CSMD1: variants seen among roughly 807,000 people sequenced by gnomAD.
CSMD1 encodes the protein CUB and Sushi multiple domains 1, also known as CUB and sushi domain-containing protein 1.
In CSMD1, 213 loss-of-function variants were observed where a neutral mutation model predicts 417.5. That is an observed-to-expected ratio of 0.51 (90% CI 0.46 to 0.57). The LOEUF (loss-of-function observed/expected upper bound fraction) is 0.57. Among genes scored for constraint, CSMD1 ranks in the 20% least tolerant of loss-of-function variants. The pLI is 0.00. For missense variants in CSMD1, 6,923 were observed against 4,529.7 expected (o/e 1.53, Z -15.17); for synonymous variants, 2,862 against 1,736.8 (o/e 1.65, Z -16.11).
At chr8:4,584,502 G>C (rs1054810621) in intron 2 of CSMD1, among the ~76,000 whole-genome samples, 71 of 151,182 alleles carry the variant, frequency 4.7e-4, no homozygotes, top group Non-Finnish European at 1.5e-4. Flanking sequence ...CTGGGAAAGG[G>C]CTCTCTAACA....
At chr8:4,053,283 C>G (rs138364619) in intron 3 of CSMD1, among the ~76,000 whole-genome samples, 4 of 152,226 alleles carry the variant, frequency 2.6e-5, no homozygotes, top group Non-Finnish European at 5.9e-5. Flanking sequence ...TATTTTATCA[C>G]TGACAGTGCT....
At chr8:3,822,581 A>G (rs889504823) in intron 5 of CSMD1, among the ~76,000 whole-genome samples, 3 of 152,106 alleles carry the variant, frequency 2.0e-5, no homozygotes. Context: ...TCATGGGTTT[A>G]TTGGTAACTT....
At chr8:3,399,664 C>T in intron 15 of CSMD1, 135 bp from the exon 16 acceptor site, 1 of 626,912 alleles carries the variant, frequency 1.6e-6, no homozygotes, top group Non-Finnish European at 2.5e-6. Context: ...AAATCTTATT[C>T]CCAAGGAAAC....
At chr8:4,634,146 G>C (rs886165881) in intron 2 of CSMD1, among the ~76,000 whole-genome samples, 3 of 152,096 alleles carry the variant, frequency 2.0e-5, no homozygotes, top group Non-Finnish European at 4.4e-5. Context: ...TTAAAATTTA[G>C]TTTATTGATG....
At chr8:3,901,613 C>G (rs891750052) in intron 5 of CSMD1, among the ~76,000 whole-genome samples, 1 of 152,194 alleles carries the variant, frequency 6.6e-6, no homozygotes, top group East Asian at 1.9e-4. Context: ...GATAGTTTCT[C>G]TGAAAACCAC....
chr8:4,443,917 AG>A (rs1798628047), intron 2 of CSMD1, among the ~76,000 whole-genome samples: 1 of 152,200 alleles, frequency 6.6e-6, no homozygotes, highest in African/African-American at 2.4e-5. Context: ...AGTCCTCATA[AG>A]AAATGCGTAC....
At chr8:4,658,502 C>T (rs1379906932) in intron 1 of CSMD1, among the ~76,000 whole-genome samples, 1 of 152,136 alleles carries the variant, frequency 6.6e-6, no homozygotes, top group Non-Finnish European at 1.5e-5. Context: ...CTCTATCAAA[C>T]TCACTATTCT....
At chr8:4,175,347 T>G (rs1184421762) in intron 3 of CSMD1, among the ~76,000 whole-genome samples, 1 of 152,198 alleles carries the variant, frequency 6.6e-6, no homozygotes. Flanking sequence ...CACTTTTTTC[T>G]AAATACTTTT....
At chr8:2,992,592 T>G (rs1428875352) in intron 54 of CSMD1, among the ~76,000 whole-genome samples, 1 of 149,046 alleles carries the variant, frequency 6.7e-6, no homozygotes, top group Non-Finnish European at 1.5e-5. Flanking sequence ...CCTGGCTAAT[T>G]TTTTTGTATT....
chr8:3,508,256 T>A (rs554541606), intron 10 of CSMD1, among the ~76,000 whole-genome samples: 1 of 151,684 alleles, frequency 6.6e-6, no homozygotes, highest in East Asian at 2.0e-4. Flanking sequence ...CTGTGACAGA[T>A]GATGCAAGAC....
At chr8:3,094,100 T>A (rs1028874805) in intron 47 of CSMD1, among the ~76,000 whole-genome samples, 19 of 151,820 alleles carry the variant, frequency 1.3e-4, no homozygotes, top group African/African-American at 4.6e-4. Context: ...TTATTTTATT[T>A]TATTTTTTAT....
intron 2 of CSMD1, among the ~76,000 whole-genome samples, chr8:4,542,781 C>T (rs1016061984): frequency 2.6e-5 from 4 of 152,000 alleles, no homozygotes; most frequent in Non-Finnish European, 4.4e-5. Context: ...GGTAGCCATA[C>T]ATATTTTAAA....
At chr8:4,658,068 G>T (rs1804356208) in intron 1 of CSMD1, among the ~76,000 whole-genome samples, 1 of 151,688 alleles carries the variant, frequency 6.6e-6, no homozygotes, top group Admixed American at 6.6e-5. Context: ...AAGGGAAAAA[G>T]AAGGGAAAAA....
rs181003271 is a variant in CSMD1, at chr8:4,954,812, T to A, written c.85+39520A>T. On this transcript the variant is annotated intron_variant, in intron 1 of 69. Coordinates refer to ENST00000635120, the MANE Select transcript of CSMD1 (RefSeq NM_033225.6). ...TCCATACTTGACTTTAAGAAAAAAATTCTCATTTTCTCTTACTTTTGCTTT... is the reference window on the plus strand; with the variant it reads ...TCCATACTTGACTTTAAGAAAAAAAATCTCATTTTCTCTTACTTTTGCTTT... Among the ~76,000 whole-genome samples, 905 of 152,196 alleles carry A rather than the reference T, an allele frequency of 5.9e-3. 4 individuals carry two copies. The highest frequency in any genetic ancestry group is 9.5e-3 in the Non-Finnish European group (646 of 68,008).
intron 3 of CSMD1, among the ~76,000 whole-genome samples, chr8:4,074,155 A>G (rs994048190): frequency 2.6e-5 from 4 of 152,116 alleles, no homozygotes; most frequent in Admixed American, 6.6e-5. Flanking sequence ...ACATATACAT[A>G]TAATGCATAA....
chr8:3,453,758 T>C (rs1815910599), intron 12 of CSMD1, among the ~76,000 whole-genome samples: 1 of 152,258 alleles, frequency 6.6e-6, no homozygotes, highest in Non-Finnish European at 1.5e-5. Context: ...GGAATAGGTG[T>C]GGTATGGTGC....
At chr8:3,374,605 G>A (rs973827418) in intron 18 of CSMD1, among the ~76,000 whole-genome samples, 2 of 152,168 alleles carry the variant, frequency 1.3e-5, no homozygotes, top group Admixed American at 1.3e-4. Context: ...GCACATCCTG[G>A]CAAATGTCCA....
At chr8:4,098,044 G>A (rs1450936843) in intron 3 of CSMD1, among the ~76,000 whole-genome samples, 2 of 152,088 alleles carry the variant, frequency 1.3e-5, no homozygotes, top group African/African-American at 4.8e-5. Flanking sequence ...TTTTGTTCAG[G>A]CACAGAGAAT....
intron 12 of CSMD1, among the ~76,000 whole-genome samples, chr8:3,434,929 T>G (rs1011406465): frequency 1.3e-5 from 2 of 152,228 alleles, no homozygotes; most frequent in South Asian, 2.1e-4. Context: ...TATCACGGGC[T>G]AGTCAGCACA....
Sources: gnomAD v4.1 joint callset for allele counts (sites outside exome capture counted in the v4.1 genomes callset) on GRCh38, gnomAD v4.1.1 for gene constraint, MANE v1.5 for transcripts, NCBI Gene and HGNC (gene_info 2026-07-23, HGNC 2026-07-21) for gene names.